The following ANKRD9 variants were observed in gnomAD, a reference collection of about 807,000 sequenced individuals.
ANKRD9 encodes the protein ankyrin repeat domain 9.
ANKRD9 carries 13 observed loss-of-function variants against 19.2 expected under a neutral mutation model. The observed-to-expected ratio is 0.68, with a 90% confidence interval of 0.44 to 1.08. ANKRD9 has a LOEUF of 1.08. ANKRD9 is among the 50% of genes least tolerant of loss of function. ANKRD9 has a pLI of 0.00. For missense variants in ANKRD9, 518 were observed against 499.9 expected, an observed-to-expected ratio of 1.04 and a Z score of -0.34; for synonymous variants, 278 against 256.8, an observed-to-expected ratio of 1.08 and a Z score of -0.79.
Position 102,507,992 on chromosome 14 carries a change from C to G in ANKRD9, c.-53-50G>C. 9.5e-7 allele frequency: 1 copy of G among 1,049,656 alleles called. No homozygotes were observed. The highest frequency in any genetic ancestry group is 7.2e-5 in the East Asian group (1 of 13,820). 65.0% of individuals were successfully genotyped at this position (1,049,656 alleles called of 1,614,324 possible). The stretch of plus-strand genomic sequence containing the variant: ...GTGAGGCGCGGGGAAACTGGGGAGG[C>G]CCGGGGACTCCCCTCTGCCCCTCAC... On this transcript the variant is annotated intron_variant, in intron 3 of 3. Coordinates refer to ENST00000286918, the MANE Select transcript of ANKRD9 (RefSeq NM_152326.4). The surrounding 1 kb of genome is among the most constrained non-coding windows in gnomAD (Gnocchi z 9.2).
chr14:102,507,241 G>A lies in ANKRD9; in HGVS notation c.649C>T (p.Pro217Ser). Residue 217 changes from proline (P) to serine (S), a missense_variant, in exon 4 of 4, where the codon CCC (proline) becomes TCC (serine). Pro to Ser is a moderately conservative substitution (Grantham distance 74). Transcript: ENST00000286918. This position sits in a 1 kb window ranked among gnomAD's most constrained non-coding sequence, Gnocchi z 9.2. ...CGCGGCTCCCCGGGAGCTGAGGCGG[G>A]GGCTCCGGCGGCGGAGGGAGTGGCC... ...AGATPSAAGA[P>S]ASAPGEPRQR... 1 of 1,237,530 alleles carries A rather than the reference G, an allele frequency of 8.1e-7. No individual in the cohort carries two copies. The highest frequency in any genetic ancestry group is 1.0e-6 in the Non-Finnish European group (1 of 990,068). 76.7% of individuals were successfully genotyped at this position (1,237,530 alleles called of 1,614,324 possible).
chr14:102,508,504 CG>C lies in ANKRD9; in HGVS notation c.-84del, dbSNP rs1891684277. On this transcript the variant is annotated 5_prime_UTR_variant, in exon 3 of 4. Transcript: ENST00000286918. This position sits in a 1 kb window ranked among gnomAD's most constrained non-coding sequence, Gnocchi z 6.2. Reference sequence around the variant, plus strand: ...TTCCTGCACCGCGATCACCTAGTTCCGGGGATGTGGGTATATCACAGTCCCT... The same window carrying C: ...TTCCTGCACCGCGATCACCTAGTTCCGGGATGTGGGTATATCACAGTCCCT... The C allele has an allele frequency of 6.6e-6, 1 of 152,114 alleles. No homozygotes were observed. Among genetic ancestry groups the C allele is most frequent in the African/African-American group, 2.4e-5 (1 of 41,390 alleles). 9.4% of individuals were successfully genotyped at this position (152,114 alleles called of 1,614,324 possible).
At position 102,507,660 on chromosome 14, in the gene ANKRD9, A is replaced by G; in HGVS notation, c.230T>C (p.Leu77Pro). ...TTGGTGGTCGTGCACGAGCGCGTAG[A>G]GCAGCGCCTCAGAGGGCGAGTAGGC... ...AAAYSPSEAL[L>P]YALVHDHQAY... is the part of the protein sequence containing the mutation. The change falls in exon 4 of 4, where the codon CTC (leucine) becomes CCC (proline). Residue 77 changes from leucine (L) to proline (P), a missense_variant. Transcript: ENST00000286918. The surrounding 1 kb of genome is among the most constrained non-coding windows in gnomAD (Gnocchi z 9.2). 1 of 1,551,656 alleles carries G rather than the reference A, an allele frequency of 6.4e-7. No homozygotes were observed. Among genetic ancestry groups the G allele is most frequent in the Non-Finnish European group, 8.7e-7 (1 of 1,154,206 alleles).
chr14:102,503,918 A>G lies in ANKRD9; in HGVS notation c.*3018T>C, dbSNP rs1891512996. On this transcript the variant is annotated 3_prime_UTR_variant, in exon 4 of 4. Coordinates refer to ENST00000286918, the MANE Select transcript of ANKRD9 (RefSeq NM_152326.4). Reference sequence around the variant, plus strand: ...TTTTAAAGTTGGTGAGGAAGTCGACAGAAGGGGAAGTCACAGTAGGAAAAT... The same window carrying G: ...TTTTAAAGTTGGTGAGGAAGTCGACGGAAGGGGAAGTCACAGTAGGAAAAT... 6.6e-6 allele frequency: 1 copy of G among 152,258 alleles called. No homozygotes were observed. The highest frequency in any genetic ancestry group is 1.5e-5 in the Non-Finnish European group (1 of 68,040). The allele number at this position is 152,258 out of a possible 1,614,324, so 9.4% of individuals were successfully genotyped here. A position where few individuals can be genotyped will look rare whatever the true frequency, so the allele number is the denominator to read the frequency against.
chr14:102,507,699 C>T lies in ANKRD9; in HGVS notation c.191G>A (p.Arg64His), dbSNP rs750170448. 32 of 1,546,086 alleles carry T rather than the reference C, an allele frequency of 2.1e-5. No homozygotes were observed. In the East Asian group the frequency reaches 7.7e-4, roughly 37 times the overall value. The change falls in exon 4 of 4, where the codon CGC (arginine) becomes CAC (histidine). Residue 64 changes from arginine to histidine, a missense_variant. By Grantham distance (29) the Arg-to-His change is conservative. Transcript: ENST00000286918. This position sits in a 1 kb window ranked among gnomAD's most constrained non-coding sequence, Gnocchi z 9.2. ...RASEAFHWDE[R>H]GRAAAYSPSE... Reference sequence around the variant, plus strand: ...GGGCGAGTAGGCGGCGGCGCGCCCGCGCTCGTCCCAGTGGAAGGCCTCGCT... The same window carrying T: ...GGGCGAGTAGGCGGCGGCGCGCCCGTGCTCGTCCCAGTGGAAGGCCTCGCT...
rs1891600827 is a variant in ANKRD9, at chr14:102,506,838, G to A, written c.*98C>T. ...CCCAGTGCATGCGACAGATGAGGCA[G>A]AGATTGTGCCGTACAGAGATCAATA... On this transcript the variant is annotated 3_prime_UTR_variant, in exon 4 of 4. Coordinates refer to ENST00000286918, the MANE Select transcript of ANKRD9 (RefSeq NM_152326.4). 1.6e-6 allele frequency: 2 copies of A among 1,278,104 alleles called. No individual in the cohort carries two copies. The highest frequency in any genetic ancestry group is 4.0e-5 in the Admixed American group (1 of 25,020). The allele number at this position is 1,278,104 out of a possible 1,614,324, so 79.2% of individuals were successfully genotyped here.
At position 102,502,998 on chromosome 14, in the gene ANKRD9, AG is replaced by A. The variant is rs1891485211; in HGVS notation, c.*3937del. The A allele has an allele frequency of 6.6e-6, 1 of 152,152 alleles. No individual in the cohort carries two copies. Among genetic ancestry groups the A allele is most frequent in the Non-Finnish European group, 1.5e-5 (1 of 68,038 alleles). The allele number at this position is 152,152 out of a possible 1,614,324, so 9.4% of individuals were successfully genotyped here. A position where few individuals can be genotyped will look rare whatever the true frequency, so the allele number is the denominator to read the frequency against. ...GGGAGGCTGAGGCGGGCGGATCACA[AG>A]GTCAGGAGTTCGAGACCTGCCTGGC... On this transcript the variant is annotated 3_prime_UTR_variant, in exon 4 of 4. Coordinates refer to ENST00000286918, the MANE Select transcript of ANKRD9 (RefSeq NM_152326.4).
rs1891443164 is a variant in ANKRD9, at chr14:102,501,861, C to G, written c.*5075G>C. 1 of 152,350 alleles carries G rather than the reference C, an allele frequency of 6.6e-6. No individual in the cohort carries two copies. Among genetic ancestry groups the G allele is most frequent in the Admixed American group, 6.5e-5 (1 of 15,304 alleles). The allele number at this position is 152,350 out of a possible 1,614,324, so 9.4% of individuals were successfully genotyped here. A position where few individuals can be genotyped will look rare whatever the true frequency, so the allele number is the denominator to read the frequency against. On this transcript the variant is annotated 3_prime_UTR_variant, in exon 4 of 4. Transcript: ENST00000286918. ...AAAGCAGAAGGAACACTGGCCCAAACCCCCAGCACCCCGGAAGCAGAGGTG... is the reference window on the plus strand; with the variant it reads ...AAAGCAGAAGGAACACTGGCCCAAAGCCCCAGCACCCCGGAAGCAGAGGTG...
rs553065818 is a variant in ANKRD9 at position 102,505,159 on chromosome 14, C to T, written c.*1777G>A. ...GCACATCTAGACCCCAGTGAGGAGCCCAGGCTTTCTAGGCACAAGCCCCAT... is the reference window on the plus strand; with the variant it reads ...GCACATCTAGACCCCAGTGAGGAGCTCAGGCTTTCTAGGCACAAGCCCCAT... On this transcript the variant is annotated 3_prime_UTR_variant, in exon 4 of 4. Transcript: ENST00000286918. 6.6e-6 allele frequency: 1 copy of T among 152,526 alleles called. No individual in the cohort carries two copies. The highest frequency in any genetic ancestry group is 1.5e-5 in the Non-Finnish European group (1 of 68,224). 9.4% of individuals were successfully genotyped at this position (152,526 alleles called of 1,614,324 possible).
rs1180739426 is a variant in ANKRD9, at chr14:102,508,456, G to A, written c.-54+19C>T. 1.3e-5 allele frequency: 2 copies of A among 152,224 alleles called. No individual in the cohort carries two copies. Among genetic ancestry groups the A allele is most frequent in the African/African-American group, 2.4e-5 (1 of 41,390 alleles). 9.4% of individuals were successfully genotyped at this position (152,224 alleles called of 1,614,324 possible). ...CTCTTCCTGGGCTGTTCAGAGGCAT[G>A]ATCCAGACTCAGACCTACCTGGTTC... On this transcript the variant is annotated intron_variant, in intron 3 of 3. Coordinates refer to ENST00000286918, the MANE Select transcript of ANKRD9 (RefSeq NM_152326.4). The surrounding 1 kb of genome is among the most constrained non-coding windows in gnomAD (Gnocchi z 6.2).
At position 102,509,618 on chromosome 14, in the gene ANKRD9, G is replaced by A. The variant is rs1216652002; in HGVS notation, c.-424C>T. On this transcript the variant is annotated 5_prime_UTR_variant, in exon 1 of 4. Coordinates refer to ENST00000286918, the MANE Select transcript of ANKRD9 (RefSeq NM_152326.4). The stretch of plus-strand genomic sequence containing the variant: ...GTCCCCCGCGGGCGAGCGGGCAAAG[G>A]TCCCACGACGGACGCACGGGAGGGA... 1.4e-5 allele frequency: 2 copies of A among 145,556 alleles called. No individual in the cohort carries two copies. Among genetic ancestry groups the A allele is most frequent in the Non-Finnish European group, 3.1e-5 (2 of 65,550 alleles). The allele number at this position is 145,556 out of a possible 1,614,324, so 9.0% of individuals were successfully genotyped here.
At position 102,507,487 on chromosome 14, in the gene ANKRD9, T is replaced by TGCGCAGGATGCG; in HGVS notation, c.391_402dup (p.Arg131_Arg134dup). Reference sequence around the variant, plus strand: ...TCCTCGGCCGGGAAGTCGCGCAAGGTGCGCAGGATGCGGCGCAGAATGCCC... The same window carrying TGCGCAGGATGCG: ...TCCTCGGCCGGGAAGTCGCGCAAGGTGCGCAGGATGCGGCGCAGGATGCGGCGCAGAATGCCC... On this transcript the variant is annotated inframe_insertion, in exon 4 of 4. Transcript: ENST00000286918. The surrounding 1 kb of genome is among the most constrained non-coding windows in gnomAD (Gnocchi z 9.2). 1 of 1,389,622 alleles carries TGCGCAGGATGCG rather than the reference T, an allele frequency of 7.2e-7. No individual in the cohort carries two copies. The highest frequency in any genetic ancestry group is 9.4e-7 in the Non-Finnish European group (1 of 1,069,360). The allele number at this position is 1,389,622 out of a possible 1,614,324, so 86.1% of individuals were successfully genotyped here.
Position 102,503,197 on chromosome 14 carries a change from A to T in ANKRD9, c.*3739T>A, listed in dbSNP as rs1891490972. 1 of 151,824 alleles carries T rather than the reference A, an allele frequency of 6.6e-6. No individual in the cohort carries two copies. The highest frequency in any genetic ancestry group is 2.4e-5 in the African/African-American group (1 of 41,368). 9.4% of individuals were successfully genotyped at this position (151,824 alleles called of 1,614,324 possible). ...CATTGCACTCCAGTCTGGATGACAG[A>T]GCAAGACTACATCTCAAATAAATAA... On this transcript the variant is annotated 3_prime_UTR_variant, in exon 4 of 4. Transcript: ENST00000286918.
Position 102,507,099 on chromosome 14 carries a change from T to C in ANKRD9, c.791A>G (p.Glu264Gly), listed in dbSNP as rs1277204061. 2.6e-6 allele frequency: 4 copies of C among 1,534,564 alleles called. No individual in the cohort carries two copies. The highest frequency in any genetic ancestry group is 2.5e-5 in the East Asian group (1 of 39,460). Residue 264 changes from glutamate to glycine, a missense_variant, in exon 4 of 4, where the codon GAG (glutamate) becomes GGG (glycine). By Grantham distance (98) the Glu-to-Gly change is moderately conservative. Coordinates refer to ENST00000286918, the MANE Select transcript of ANKRD9 (RefSeq NM_152326.4). The surrounding 1 kb of genome is among the most constrained non-coding windows in gnomAD (Gnocchi z 9.2). ...DRPRWQRLLG[E>G]DKFQWLAGLA... ...GCCCGCCAGCCACTGGAACTTGTCC[T>C]CACCCAGCAGCCGCTGCCAGCGCGG...
rs1403467491 is a variant in ANKRD9, at chr14:102,507,577, C to A, written c.313G>T (p.Ala105Ser). ...GGAGCCGCGCAGCAGCGGAAGCCGG[C>A]ACTGGGCGGTGCGAGCGCGCGCCGC... ...FPRRALAPPS[A>S]GFRCCAAPGP... is the part of the protein sequence containing the mutation. Residue 105 changes from alanine (A) to serine (S), a missense_variant, in exon 4 of 4, where the codon GCC becomes TCC. Ala to Ser is a moderately conservative substitution (Grantham distance 99). Transcript: ENST00000286918. This position sits in a 1 kb window ranked among gnomAD's most constrained non-coding sequence, Gnocchi z 9.2. The A allele has an allele frequency of 7.2e-7, 1 of 1,396,074 alleles. No homozygotes were observed. Among genetic ancestry groups the A allele is most frequent in the East Asian group, 3.1e-5 (1 of 32,106 alleles). 86.5% of individuals were successfully genotyped at this position (1,396,074 alleles called of 1,614,324 possible).
rs909900280 is a variant in ANKRD9 at position 102,503,245 on chromosome 14, T to C, written c.*3691A>G. On this transcript the variant is annotated 3_prime_UTR_variant, in exon 4 of 4. Transcript: ENST00000286918. ...TAAATAAATACATAAATAAATAAATTACTTTTAAGAATCACCAATAGAAAT... is the reference window on the plus strand; with the variant it reads ...TAAATAAATACATAAATAAATAAATCACTTTTAAGAATCACCAATAGAAAT... 6.6e-6 allele frequency: 1 copy of C among 150,964 alleles called. No individual in the cohort carries two copies. The highest frequency in any genetic ancestry group is 2.4e-5 in the African/African-American group (1 of 41,106). 9.4% of individuals were successfully genotyped at this position (150,964 alleles called of 1,614,324 possible).
Position 102,507,414 on chromosome 14 carries a change from C to T in ANKRD9, c.476G>A (p.Gly159Asp). 7.3e-7 allele frequency: 1 copy of T among 1,366,628 alleles called. No individual in the cohort carries two copies. The highest frequency in any genetic ancestry group is 9.5e-7 in the Non-Finnish European group (1 of 1,056,560). 84.7% of individuals were successfully genotyped at this position (1,366,628 alleles called of 1,614,324 possible). The change falls in exon 4 of 4, where the codon GGT (glycine) becomes GAT (aspartate). Residue 159 changes from glycine to aspartate, a missense_variant. Transcript: ENST00000286918. This position sits in a 1 kb window ranked among gnomAD's most constrained non-coding sequence, Gnocchi z 9.2. ...ACAGGCCACGTGCAGCGACGTGCCA[C>T]CGCCCTCCACGCGGCTGCAGCCACG... ...DRRGCSRVEG[G>D]GTSLHVACEL... is the part of the protein sequence containing the mutation.
In ANKRD9 at chr14:102,507,374, G is replaced by C. The variant is rs1891636806; in HGVS notation, c.516C>G (p.Pro172=). The C allele has an allele frequency of 5.3e-6, 7 of 1,330,912 alleles. No individual in the cohort carries two copies. In the South Asian group the frequency reaches 7.6e-5, roughly 14 times the overall value. The allele number at this position is 1,330,912 out of a possible 1,614,324, so 82.4% of individuals were successfully genotyped here. A position where few individuals can be genotyped will look rare whatever the true frequency, so the allele number is the denominator to read the frequency against. Residue 172 remains proline (P), a synonymous_variant, in exon 4 of 4, where the codon CCC becomes CCG. Transcript: ENST00000286918. The surrounding 1 kb of genome is among the most constrained non-coding windows in gnomAD (Gnocchi z 9.2). ...SLHVACELAR[P]ECLFLLLGHG... ...GGCCCAGCAGCAGGAAGAGGCACTCGGGGCGCGCCAGCTCACAGGCCACGT... is the reference window on the plus strand; with the variant it reads ...GGCCCAGCAGCAGGAAGAGGCACTCCGGGCGCGCCAGCTCACAGGCCACGT...
At position 102,507,590 on chromosome 14, in the gene ANKRD9, G is replaced by A; in HGVS notation, c.300C>T (p.Leu100=). The change falls in exon 4 of 4, where the codon CTC becomes CTT. Residue 100 remains leucine (L), a synonymous_variant. Coordinates refer to ENST00000286918, the MANE Select transcript of ANKRD9 (RefSeq NM_152326.4). This position sits in a 1 kb window ranked among gnomAD's most constrained non-coding sequence, Gnocchi z 9.2. ...AGCGGAAGCCGGCACTGGGCGGTGC[G>A]AGCGCGCGCCGCGGGAACGTGGCCA... The part of the protein sequence containing the change: ...YLLATFPRRA[L]APPSAGFRCC... The A allele has an allele frequency of 6.9e-7, 1 of 1,443,574 alleles. No homozygotes were observed. Among genetic ancestry groups the A allele is most frequent in the Non-Finnish European group, 9.1e-7 (1 of 1,097,796 alleles). The allele number at this position is 1,443,574 out of a possible 1,614,324, so 89.4% of individuals were successfully genotyped here. A position where few individuals can be genotyped will look rare whatever the true frequency, so the allele number is the denominator to read the frequency against.
Sources: gnomAD v4.1 joint callset for allele counts on GRCh38, gnomAD v4.1.1 for gene constraint, Gnocchi (gnomAD v3.1) non-coding constraint, MANE v1.5 for transcripts, NCBI Gene and HGNC (gene_info 2026-07-23, HGNC 2026-07-21) for gene names.